Variants in ZNF423 observed in about 807,000 individuals in gnomAD.
ZNF423 encodes the protein Ebf-associated zinc finger protein.
In ZNF423, 12 loss-of-function variants were observed where a neutral mutation model predicts 95.8. The ratio of observed to expected loss-of-function variants is 0.13; its 90% CI spans 0.08 to 0.20. The LOEUF is 0.20. Among genes scored for constraint, ZNF423 ranks in the 10% least tolerant of loss-of-function variants. The pLI is 1.00. For synonymous variants in ZNF423, 749 were observed against 711.9 expected (o/e 1.05, Z -0.83); for missense variants, 1,316 against 1,737.1 (o/e 0.76, Z 4.31).
chr16:49,616,165 A>G (rs7500184), intron 5 of ZNF423, among the ~76,000 whole-genome samples: 33,183 of 152,096 alleles, frequency 0.22, 3,900 homozygotes, highest in South Asian at 0.39. Flanking sequence ...GGTATTCAAG[A>G]AAGAAAAATA....
At chr16:49,596,827 T>C (rs958934818) in intron 5 of ZNF423, among the ~76,000 whole-genome samples, 3 of 152,184 alleles carry the variant, frequency 2.0e-5, no homozygotes, top group Non-Finnish European at 4.4e-5. Flanking sequence ...GGCTGTGTGC[T>C]TCCCCACTCC....
chr16:49,599,884 C>A (rs754349236), intron 5 of ZNF423, among the ~76,000 whole-genome samples: 1 of 152,098 alleles, frequency 6.6e-6, no homozygotes, highest in Non-Finnish European at 1.5e-5. Flanking sequence ...TAGAAGGAAG[C>A]CTGAAGAAAA....
intron 5 of ZNF423, among the ~76,000 whole-genome samples, chr16:49,535,560 T>A (rs1222093853): frequency 6.6e-6 from 1 of 152,144 alleles, no homozygotes; most frequent in Non-Finnish European, 1.5e-5. Context: ...GTCTGAGTGA[T>A]GAAATAAACC....
chr16:49,856,669 C>A (rs991358877), upstream of ZNF423, among the ~76,000 whole-genome samples: 2 of 150,294 alleles, frequency 1.3e-5, no homozygotes, highest in Admixed American at 1.3e-4. Flanking sequence ...CGGCGCCGGC[C>A]CCCCGGAGGA....
At chr16:49,743,934 C>T (rs1049886917) in intron 2 of ZNF423, among the ~76,000 whole-genome samples, 8 of 152,180 alleles carry the variant, frequency 5.3e-5, no homozygotes, top group Non-Finnish European at 7.4e-5. Context: ...GTGGCTTTCC[C>T]GTGCTATCCC....
upstream of ZNF423, among the ~76,000 whole-genome samples, chr16:49,858,719 C>A (rs976972025): frequency 5.8e-5 from 7 of 120,402 alleles, no homozygotes; most frequent in African/African-American, 2.1e-4. The surrounding 1 kb of genome is among the most constrained non-coding windows in gnomAD (Gnocchi z 4.3). Context: ...GAATAGGAGC[C>A]CCCCCCCCCA....
chr16:49,633,503 A>G (rs1972571812), intron 4 of ZNF423, among the ~76,000 whole-genome samples: 1 of 152,138 alleles, frequency 6.6e-6, no homozygotes, highest in South Asian at 2.1e-4. Context: ...GAGAGACTCT[A>G]TTACTATTCC....
intron 3 of ZNF423, among the ~76,000 whole-genome samples, chr16:49,659,005 C>A (rs550989051): frequency 1.3e-5 from 2 of 152,266 alleles, no homozygotes; most frequent in African/African-American, 4.8e-5. Context: ...ACACTTCCTA[C>A]GTGCCGGGCT....
intron 5 of ZNF423, among the ~76,000 whole-genome samples, chr16:49,560,166 C>T (rs1032159710): frequency 1.8e-4 from 27 of 152,164 alleles, no homozygotes; most frequent in Non-Finnish European, 3.7e-4. Context: ...GCCATCATCA[C>T]GGCAGTGACG....
In ZNF423 at chr16:49,835,216, C is replaced by T. The variant is rs527900444; in HGVS notation, c.40+20519G>A. 3.7e-4 allele frequency among the ~76,000 whole-genome samples: 56 copies of T among 152,288 alleles called. No individual in the cohort carries two copies. The South Asian group carries it at 0.01, about 28-fold the overall frequency. ...CCCCAGCCAAGGGGTCTGTGAGGAG[C>T]ACTTTCAATCAGTGCTGGCCCCCTG... On this transcript the variant is annotated intron_variant, in intron 1 of 7. Coordinates refer to ENST00000563137, the MANE Select transcript of ZNF423 (RefSeq NM_001379286.1).
chr16:49,725,219 C>T (rs2032978631), intron 3 of ZNF423, among the ~76,000 whole-genome samples: 1 of 152,004 alleles, frequency 6.6e-6, no homozygotes, highest in Admixed American at 6.5e-5. Context: ...CTCATCCATA[C>T]AAGAAAAAAT....
chr16:49,619,355 C>T (rs1971981320), intron 5 of ZNF423, among the ~76,000 whole-genome samples: 1 of 152,050 alleles, frequency 6.6e-6, no homozygotes, highest in Non-Finnish European at 1.5e-5. Flanking sequence ...AGGCCTTCCC[C>T]CAAAACAAAC....
intron 1 of ZNF423, among the ~76,000 whole-genome samples, chr16:49,799,319 G>T (rs2034546042): frequency 1.3e-5 from 2 of 152,178 alleles, no homozygotes. Flanking sequence ...CTCCCGCCAG[G>T]TTCCTGGCTG....
rs1861650 is a variant in ZNF423, at chr16:49,852,633, A to C, written c.40+3102T>G. On this transcript the variant is annotated intron_variant, in intron 1 of 7. Coordinates refer to ENST00000563137, the MANE Select transcript of ZNF423 (RefSeq NM_001379286.1). Reference sequence around the variant, plus strand: ...CATACCACACCACCAGGAAACAAAAAAGGGGAGAAAGGTGTAGGGAGGGAA... The same window carrying C: ...CATACCACACCACCAGGAAACAAAACAGGGGAGAAAGGTGTAGGGAGGGAA... Among the ~76,000 whole-genome samples the C allele has an allele frequency of 2.4e-4, 37 of 152,300 alleles. No individual in the cohort carries two copies. The South Asian group carries it at 3.5e-3, about 15-fold the overall frequency.
intron 7 of ZNF423, among the ~76,000 whole-genome samples, chr16:49,514,636 G>A (rs1968058099): frequency 6.6e-6 from 1 of 152,184 alleles, no homozygotes; most frequent in Admixed American, 6.5e-5. Flanking sequence ...AGAATACCTA[G>A]CTCTGCTTTT....
Position 49,521,049 on chromosome 16 carries a change from C to G in ZNF423, c.3849+2575G>C, listed in dbSNP as rs562367283. 1.3e-4 allele frequency among the ~76,000 whole-genome samples: 20 copies of G among 152,322 alleles called. No homozygotes were observed. The South Asian group carries it at 4.1e-3, about 32-fold the overall frequency. On this transcript the variant is annotated intron_variant, in intron 7 of 7. Coordinates refer to ENST00000563137, the MANE Select transcript of ZNF423 (RefSeq NM_001379286.1). ...CAGCTCACATGAACCGCTCTCAGGT[C>G]AAGTGTGGCCCACAGCTCGAGATAG...
intron 3 of ZNF423, among the ~76,000 whole-genome samples, chr16:49,649,203 G>A (rs1596788827): frequency 6.6e-6 from 1 of 152,210 alleles, no homozygotes; most frequent in African/African-American, 2.4e-5. Flanking sequence ...CAAGCCCAGA[G>A]GGTGGAGCCA....
intron 5 of ZNF423, among the ~76,000 whole-genome samples, chr16:49,580,173 C>T (rs1970626421): frequency 6.6e-6 from 1 of 152,152 alleles, no homozygotes; most frequent in Non-Finnish European, 1.5e-5. Context: ...CAGTTCTTGG[C>T]CACATCCTGG....
chr16:49,795,371 C>G (rs1035397503), intron 1 of ZNF423, among the ~76,000 whole-genome samples: 23 of 152,226 alleles, frequency 1.5e-4, no homozygotes, highest in African/African-American at 5.3e-4. Flanking sequence ...GCCAATCCAG[C>G]TCCCTCATGG....
Sources: allele counts gnomAD v4.1 joint callset (sites outside exome capture counted in the v4.1 genomes callset), GRCh38; gene constraint gnomAD v4.1.1; non-coding constraint Gnocchi (gnomAD v3.1); transcripts MANE v1.5; gene names NCBI Gene and HGNC (gene_info 2026-07-23, HGNC 2026-07-21).